CD300C: variants seen among roughly 807,000 people sequenced by gnomAD.
CD300C encodes the protein CD300c molecule.
In CD300C, 11 loss-of-function variants were observed where a neutral mutation model predicts 18.4. The ratio of observed to expected loss-of-function variants is 0.60; its 90% CI spans 0.38 to 0.99. The LOEUF is 0.99. Among genes scored for constraint, CD300C ranks in the 50% least tolerant of loss-of-function variants. The pLI is 0.01. For missense variants in CD300C, 277 were observed against 287.4 expected, an observed-to-expected ratio of 0.96 and a Z score of 0.26; for synonymous variants, 116 against 116.3, an observed-to-expected ratio of 1.00 and a Z score of 0.02.
chr17:74,536,223 A>G (rs997458453), downstream of CD300C, among the ~76,000 whole-genome samples: 2 of 152,212 alleles, frequency 1.3e-5, no homozygotes, highest in African/African-American at 4.8e-5. Context: ...CTGTTTCTCA[A>G]AAGATATCAT....
chr17:74,541,505 A>T lies in CD300C; in HGVS notation c.*84T>A. On this transcript the variant is annotated 3_prime_UTR_variant, in exon 4 of 4. Transcript: ENST00000330793. ...GGATTCCAGGAGATGTGGAGAGAGC[A>T]GCCCGGGAGGGAGTGGTCAGGAGGT... 1.1e-6 allele frequency: 1 copy of T among 895,638 alleles called. No homozygotes were observed. The highest frequency in any genetic ancestry group is 1.9e-6 in the Non-Finnish European group (1 of 534,644). 55.5% of individuals were successfully genotyped at this position (895,638 alleles called of 1,614,324 possible). A position where few individuals can be genotyped will look rare whatever the true frequency, so the allele number is the denominator to read the frequency against.
At position 74,541,350 on chromosome 17, in the gene CD300C, G is replaced by A; in HGVS notation, c.*239C>T. 2.2e-6 allele frequency: 1 copy of A among 459,928 alleles called. No individual in the cohort carries two copies. 28.5% of individuals were successfully genotyped at this position (459,928 alleles called of 1,614,324 possible). ...CGGGCACTCAGAGGTATTGCTGACG[G>A]CCCGAGGCTTAGCTGGCCGGGGCGT... On this transcript the variant is annotated 3_prime_UTR_variant, in exon 4 of 4. Transcript: ENST00000330793.
rs745316727 is a variant in CD300C at position 74,544,647 on chromosome 17, T to G, written c.362A>C (p.His121Pro). The G allele has an allele frequency of 6.8e-6, 11 of 1,613,736 alleles. No individual in the cohort carries two copies. Among genetic ancestry groups the G allele is most frequent in the Non-Finnish European group, 9.3e-6 (11 of 1,179,670 alleles). Residue 121 changes from histidine to proline, a missense_variant, in exon 2 of 4, where the codon CAT becomes CCT. By Grantham distance (77) the His-to-Pro change is moderately conservative. Coordinates refer to ENST00000330793, the MANE Select transcript of CD300C (RefSeq NM_006678.5). ...GVDTPWLRDF[H>P]DPIVEVEVSV... ...CACCTCAACCTCGACAATGGGATCATGAAAGTCTCGGAGCCACGGTGTATC... is the reference window on the plus strand; with the variant it reads ...CACCTCAACCTCGACAATGGGATCAGGAAAGTCTCGGAGCCACGGTGTATC...
downstream of CD300C, among the ~76,000 whole-genome samples, chr17:74,538,866 C>G (rs1008929525): frequency 1.3e-5 from 2 of 152,194 alleles, no homozygotes; most frequent in African/African-American, 4.8e-5. Context: ...TGTTGAGCGG[C>G]GGCTGCTAGT....
At position 74,544,960 on chromosome 17, in the gene CD300C, A is replaced by G; in HGVS notation, c.62-13T>C. On this transcript the variant is annotated splice_polypyrimidine_tract_variant and intron_variant, in intron 1 of 3. Transcript: ENST00000330793. The stretch of plus-strand genomic sequence containing the variant: ...AGAGGAAAATAGCCTGAAAAATACA[A>G]GCCAAAATCCTGTCTCCTTACCAGA... The G allele has an allele frequency of 6.3e-7, 1 of 1,595,756 alleles. No homozygotes were observed. The highest frequency in any genetic ancestry group is 1.1e-5 in the South Asian group (1 of 87,770).
At chr17:74,538,849 T>G (rs1234201898), downstream of CD300C, among the ~76,000 whole-genome samples, 2 of 152,118 alleles carry the variant, frequency 1.3e-5, no homozygotes, top group Non-Finnish European at 2.9e-5. Flanking sequence ...TCTGTAAAAT[T>G]TATGGTTGTT....
downstream of CD300C, among the ~76,000 whole-genome samples, chr17:74,539,751 G>A (rs1371174949): frequency 2.6e-5 from 4 of 152,178 alleles, no homozygotes; most frequent in Admixed American, 6.5e-5. Context: ...GTTTGCCTGC[G>A]TGTTCCTTGA....
chr17:74,545,054 A>G (rs1908706743), intron 1 of CD300C, 107 bp from the exon 2 acceptor site: 2 of 1,036,218 alleles, frequency 1.9e-6, no homozygotes, highest in South Asian at 3.2e-5. Flanking sequence ...AGGCAATGGC[A>G]GGCAGGCAGC....
chr17:74,539,315 C>G (rs1038173246), downstream of CD300C, among the ~76,000 whole-genome samples: 1 of 152,132 alleles, frequency 6.6e-6, no homozygotes, highest in Non-Finnish European at 1.5e-5. Flanking sequence ...GTCATTGGTG[C>G]TGATGCCCCC....
In CD300C at chr17:74,545,573, C is replaced by T. The variant is rs116228782; in HGVS notation, c.61+149G>A. On this transcript the variant is annotated intron_variant, in intron 1 of 3. Transcript: ENST00000330793. ...TGCCGCCTGCTGTCCCCTGGTGAGGCAGCTGCTGACCGCTCCTGGGTGCTC... is the reference window on the plus strand; with the variant it reads ...TGCCGCCTGCTGTCCCCTGGTGAGGTAGCTGCTGACCGCTCCTGGGTGCTC... 5.8e-3 allele frequency: 3,578 copies of T among 619,960 alleles called. 103 individuals are homozygous for T. Among genetic ancestry groups the T allele is most frequent in the African/African-American group, 0.057 (3,118 of 54,886 alleles). The allele number at this position is 619,960 out of a possible 1,614,324, so 38.4% of individuals were successfully genotyped here.
At chr17:74,541,861 A>AC in intron 3 of CD300C, 125 bp from the exon 4 acceptor site, 1 of 1,001,106 alleles carries the variant, frequency 1.0e-6, no homozygotes, top group Non-Finnish European at 1.5e-6. Flanking sequence ...ACCCCCCTGG[A>AC]CAGTCCATCC....
chr17:74,539,435 G>A (rs1908475481), downstream of CD300C, among the ~76,000 whole-genome samples: 1 of 152,248 alleles, frequency 6.6e-6, no homozygotes, highest in Middle Eastern at 3.4e-3. Context: ...CCCTGCCACG[G>A]GGACCTGACC....
downstream of CD300C, among the ~76,000 whole-genome samples, chr17:74,536,532 CAAAAAAAA>C (rs376317178): frequency 1.8e-5 from 2 of 109,212 alleles, no homozygotes; most frequent in Non-Finnish European, 3.7e-5. Flanking sequence ...GACTCCGTCT[CAAAAAAAA>C]AAAAAAAAAA....
chr17:74,541,840 A>T, intron 3 of CD300C, 104 bp from the exon 4 acceptor site: 3 of 1,273,140 alleles, frequency 2.4e-6, no homozygotes, highest in Non-Finnish European at 3.3e-6. Flanking sequence ...ACCACAGCCA[A>T]CCACATAAGC....
chr17:74,538,098 G>A (rs1908434544), downstream of CD300C, among the ~76,000 whole-genome samples: 4 of 152,194 alleles, frequency 2.6e-5, no homozygotes, highest in Admixed American at 2.6e-4. Context: ...TTGGTGTAAA[G>A]TGCATGTATT....
chr17:74,539,405 C>T (rs1908474382), downstream of CD300C, among the ~76,000 whole-genome samples: 1 of 152,212 alleles, frequency 6.6e-6, no homozygotes, highest in Admixed American at 6.5e-5. Flanking sequence ...CTGACCTTGA[C>T]CCAGCTTGGC....
At chr17:74,535,831 A>G in the CD300C span, among the ~76,000 whole-genome samples, 3 of 152,234 alleles carry the variant, frequency 2.0e-5, no homozygotes, top group African/African-American at 7.2e-5. Context: ...AGACATTTAA[A>G]TACAGCTATA....
chr17:74,538,228 T>C (rs1229102952), downstream of CD300C, among the ~76,000 whole-genome samples: 1 of 152,196 alleles, frequency 6.6e-6, no homozygotes, highest in Non-Finnish European at 1.5e-5. Context: ...TGGCGCGGTA[T>C]TGATGGGCAT....
In CD300C at chr17:74,544,639, T is replaced by C. The variant is rs757771063; in HGVS notation, c.370A>G (p.Ile124Val). 9.3e-6 allele frequency: 15 copies of C among 1,613,000 alleles called. 1 individual carries two copies. The South Asian group carries it at 9.9e-5, about 11-fold the overall frequency. The change falls in exon 2 of 4, where the codon ATT becomes GTT. Residue 124 changes from isoleucine (I) to valine (V), a missense_variant. Physicochemically the swap from Ile to Val is conservative, Grantham distance 29. Coordinates refer to ENST00000330793, the MANE Select transcript of CD300C (RefSeq NM_006678.5). ...AACACGGACACCTCAACCTCGACAATGGGATCATGAAAGTCTCGGAGCCAC... is the reference window on the plus strand; with the variant it reads ...AACACGGACACCTCAACCTCGACAACGGGATCATGAAAGTCTCGGAGCCAC... ...TPWLRDFHDP[I>V]VEVEVSVFPA...
Sources: allele counts gnomAD v4.1 joint callset (sites outside exome capture counted in the v4.1 genomes callset), GRCh38; gene constraint gnomAD v4.1.1; transcripts MANE v1.5; gene names NCBI Gene and HGNC (gene_info 2026-07-23, HGNC 2026-07-21).